Variants in PTPRN2 observed in about 807,000 individuals in gnomAD.
PTPRN2 encodes the protein receptor-type tyrosine-protein phosphatase N2.
In PTPRN2, 74 loss-of-function variants were observed where a neutral mutation model predicts 118.8. The observed-to-expected ratio is 0.62, with a 90% CI of 0.52 to 0.76. The LOEUF (loss-of-function observed/expected upper bound fraction) is 0.76, where lower values mean the gene tolerates loss of function less well. Among genes scored for constraint, PTPRN2 ranks in the 30% least tolerant of loss-of-function variants. The probability of loss-of-function intolerance (pLI) is 0.00; values close to 1 mark genes in which losing one functional copy is unlikely to be tolerated. For missense variants in PTPRN2, 1,481 were observed against 1,394.4 expected (o/e 1.06, Z -0.99); for synonymous variants, 641 against 608.0 (o/e 1.05, Z -0.80).
chr7:158,294,978 C>A (rs1364574989), intron 3 of PTPRN2, among the ~76,000 whole-genome samples: 40 of 144,924 alleles, frequency 2.8e-4, no homozygotes, highest in Non-Finnish European at 1.2e-4. Flanking sequence ...CGCCCGCTGA[C>A]CCTGCCTGTC....
chr7:157,726,197 C>A (rs989467285), intron 12 of PTPRN2, among the ~76,000 whole-genome samples: 2 of 132,384 alleles, frequency 1.5e-5, no homozygotes, highest in Non-Finnish European at 3.2e-5. Flanking sequence ...GCCAGACTCT[C>A]GCCTCCCAGG....
At chr7:158,152,005 C>T (rs1201186800) in intron 6 of PTPRN2, among the ~76,000 whole-genome samples, 164 of 151,882 alleles carry the variant, frequency 1.1e-3, no homozygotes, top group African/African-American at 3.5e-3. Context: ...AACCCCGTCT[C>T]TACTAAAAAT....
At position 158,057,790 on chromosome 7, in the gene PTPRN2, T is replaced by C. The variant is rs145542996; in HGVS notation, c.1723+23508A>G. 1.1e-3 allele frequency among the ~76,000 whole-genome samples: 160 copies of C among 152,322 alleles called. No individual in the cohort carries two copies. In the East Asian group the frequency reaches 0.023, roughly 22 times the overall value. ...ACCCCTCATCTGCCCCCATCTGCCATGTTCATGTGCACAAGGTCCACAACG... is the reference window on the plus strand; with the variant it reads ...ACCCCTCATCTGCCCCCATCTGCCACGTTCATGTGCACAAGGTCCACAACG... On this transcript the variant is annotated intron_variant, in intron 11 of 22. Transcript: ENST00000389418.
Position 158,392,673 on chromosome 7 carries a change from T to C in PTPRN2, c.164-75741A>G, listed in dbSNP as rs1812031380. Among the ~76,000 whole-genome samples, 4 of 151,988 alleles carry C rather than the reference T, an allele frequency of 2.6e-5. No individual in the cohort carries two copies. In the South Asian group the frequency reaches 6.2e-4, roughly 24 times the overall value. On this transcript the variant is annotated intron_variant, in intron 2 of 22. Transcript: ENST00000389418. ...TTGTAGATCAATGTGTTTCACCAAC[T>C]GCGAAGACACAAAGCCGGGCCCTGG...
chr7:157,587,325 T>C lies in PTPRN2; in HGVS notation c.2496+7913A>G, dbSNP rs1424385565. Among the ~76,000 whole-genome samples, 1 of 152,080 alleles carries C rather than the reference T, an allele frequency of 6.6e-6. No homozygotes were observed. Among genetic ancestry groups the C allele is most frequent in the Non-Finnish European group, 1.5e-5 (1 of 68,024 alleles). ...CCGGGTGGTGGGCGGCCCTGCACGG[T>C]GACAGTCAGCTGTCAACTGTCATTC... On this transcript the variant is annotated intron_variant, in intron 17 of 22. Transcript: ENST00000389418. This position sits in a 1 kb window ranked among gnomAD's most constrained non-coding sequence, Gnocchi z 5.3.
At chr7:158,330,034 A>T (rs1804053520) in intron 2 of PTPRN2, among the ~76,000 whole-genome samples, 2 of 148,538 alleles carry the variant, frequency 1.3e-5, no homozygotes, top group Non-Finnish European at 3.0e-5. Context: ...ATAAGAGGTG[A>T]CATCTGCAGA....
chr7:158,415,427 C>A (rs1194059887), intron 2 of PTPRN2, among the ~76,000 whole-genome samples: 1 of 152,160 alleles, frequency 6.6e-6, no homozygotes, highest in Non-Finnish European at 1.5e-5. Context: ...TGCTTCAGCC[C>A]TGGATGACAC....
At position 157,876,988 on chromosome 7, in the gene PTPRN2, A is replaced by G. The variant is rs541709113; in HGVS notation, c.1788+21685T>C. 8.5e-5 allele frequency among the ~76,000 whole-genome samples: 13 copies of G among 152,346 alleles called. 1 individual carries two copies. In the South Asian group the frequency reaches 2.5e-3, roughly 29 times the overall value. ...CACAGGGGAAGGTGCAGGATGTGGC[A>G]GTCCCTGGAGGAACCCCAGGCCTGA... On this transcript the variant is annotated intron_variant, in intron 12 of 22. Transcript: ENST00000389418.
intron 12 of PTPRN2, among the ~76,000 whole-genome samples, chr7:157,719,567 G>T (rs1799121162): frequency 6.6e-6 from 1 of 152,260 alleles, no homozygotes; most frequent in Admixed American, 6.5e-5. Flanking sequence ...GCATCCGGGA[G>T]CTCCAGCTGG....
At chr7:158,044,806 G>A (rs561831648) in intron 11 of PTPRN2, among the ~76,000 whole-genome samples, 18 of 152,322 alleles carry the variant, frequency 1.2e-4, no homozygotes, top group African/African-American at 4.1e-4. Flanking sequence ...TAGGCCGACA[G>A]GTGCCAGTTC....
intron 1 of PTPRN2, among the ~76,000 whole-genome samples, chr7:158,505,883 G>A (rs1822710195): frequency 6.6e-6 from 1 of 152,252 alleles, no homozygotes; most frequent in African/African-American, 2.4e-5. Flanking sequence ...CAGGCATCCA[G>A]TAATCCCAAG....
At chr7:158,580,083 A>C (rs1315651637) in intron 1 of PTPRN2, among the ~76,000 whole-genome samples, 1 of 152,268 alleles carries the variant, frequency 6.6e-6, no homozygotes, top group Non-Finnish European at 1.5e-5. Context: ...GTCATCAGAC[A>C]GCAGCTCCTG....
chr7:157,620,803 G>T lies in PTPRN2; in HGVS notation c.2344+559C>A, dbSNP rs190919870. ...CAGAGGGGGCAAGTCTGCTGCAGGC[G>T]GGGGGTGCCGGGAAGGAGAAGCGGA... On this transcript the variant is annotated intron_variant, in intron 15 of 22. Transcript: ENST00000389418. Among the ~76,000 whole-genome samples the T allele has an allele frequency of 1.8e-4, 28 of 152,272 alleles. No homozygotes were observed. In the East Asian group the frequency reaches 5.4e-3, roughly 29 times the overall value.
In PTPRN2 at chr7:158,188,336, TGGGGA is replaced by T. The variant is rs1563577025; in HGVS notation, c.549+3986_549+3990del. On this transcript the variant is annotated intron_variant, in intron 5 of 22. Transcript: ENST00000389418. ...GAAGGCCGCCACGCTCGCCCCCTGATGGGGAAGGCCGCCACGCTCGCCGCCTGATG... is the reference window on the plus strand; with the variant it reads ...GAAGGCCGCCACGCTCGCCCCCTGATAGGCCGCCACGCTCGCCGCCTGATG... Among the ~76,000 whole-genome samples the T allele has an allele frequency of 4.3e-3, 147 of 33,814 alleles. 8 individuals carry two copies. Among genetic ancestry groups the T allele is most frequent in the East Asian group, 0.015 (11 of 742 alleles). The allele number at this position is 33,814 out of a possible 152,430, so 22.2% of individuals were successfully genotyped here. A position where few individuals can be genotyped will look rare whatever the true frequency, so the allele number is the denominator to read the frequency against.
rs554265300 is a variant in PTPRN2 at position 158,543,990 on chromosome 7, G to C, written c.112+43568C>G. On this transcript the variant is annotated intron_variant, in intron 1 of 22. Transcript: ENST00000389418. ...CTCCCTCCAAAGGGTCCAAAAACCAGGGCAGCCCCAACTGGCCGGGAAAGC... is the reference window on the plus strand; with the variant it reads ...CTCCCTCCAAAGGGTCCAAAAACCACGGCAGCCCCAACTGGCCGGGAAAGC... Among the ~76,000 whole-genome samples, 27 of 152,330 alleles carry C rather than the reference G, an allele frequency of 1.8e-4. No individual in the cohort carries two copies. In the South Asian group the frequency reaches 5.2e-3, roughly 29 times the overall value.
chr7:157,589,157 C>G (rs770053497), intron 17 of PTPRN2, among the ~76,000 whole-genome samples: 6 of 152,170 alleles, frequency 3.9e-5, no homozygotes, highest in Non-Finnish European at 7.3e-5. Context: ...TAGATTCATA[C>G]TAGGCTTCTA....
Position 158,456,074 on chromosome 7 carries a change from G to A in PTPRN2, c.163+33661C>T, listed in dbSNP as rs551797258. ...CTGCAGAGAAGACAACGACATGGACGCCATCGGCCACGGCCCCCCATCAAT... is the reference window on the plus strand; with the variant it reads ...CTGCAGAGAAGACAACGACATGGACACCATCGGCCACGGCCCCCCATCAAT... On this transcript the variant is annotated intron_variant, in intron 2 of 22. Transcript: ENST00000389418. Among the ~76,000 whole-genome samples the A allele has an allele frequency of 1.2e-4, 18 of 150,772 alleles. No homozygotes were observed. The South Asian group carries it at 2.4e-3, about 20-fold the overall frequency.
At chr7:158,279,345 C>T (rs1436113735) in intron 3 of PTPRN2, among the ~76,000 whole-genome samples, 2 of 152,166 alleles carry the variant, frequency 1.3e-5, no homozygotes, top group Non-Finnish European at 2.9e-5. Context: ...CATTTACAAT[C>T]CTTTAGCTAG....
chr7:158,494,689 C>A (rs1374397198), intron 1 of PTPRN2, among the ~76,000 whole-genome samples: 1 of 152,172 alleles, frequency 6.6e-6, no homozygotes, highest in East Asian at 1.9e-4. Flanking sequence ...AAGCATCTTC[C>A]CAGACAGCAC....
Sources: gnomAD v4.1 joint callset for allele counts (sites outside exome capture counted in the v4.1 genomes callset) on GRCh38, gnomAD v4.1.1 for gene constraint, Gnocchi (gnomAD v3.1) non-coding constraint, MANE v1.5 for transcripts, NCBI Gene and HGNC (gene_info 2026-07-23, HGNC 2026-07-21) for gene names.